SPATA7: variants seen among roughly 807,000 people sequenced by gnomAD.
SPATA7 encodes spermatogenesis-associated protein 7.
In SPATA7, 43 loss-of-function variants were observed where a neutral mutation model predicts 51.8. That is an observed-to-expected ratio of 0.83 (90% CI 0.65 to 1.07). The LOEUF (loss-of-function observed/expected upper bound fraction) is 1.07, where lower values mean the gene tolerates loss of function less well. SPATA7 is among the 50% of genes least tolerant of loss of function. The pLI, the probability that SPATA7 is intolerant of heterozygous loss-of-function variation, is 0.00. For missense variants in SPATA7, 683 were observed against 701.3 expected, an observed-to-expected ratio of 0.97 and a Z score of 0.30; for synonymous variants, 230 against 252.8, an observed-to-expected ratio of 0.91 and a Z score of 0.86.
chr14:88,428,212 ATTTC>A (rs1346394632), intron 7 of SPATA7: 1 of 152,030 alleles, frequency 6.6e-6, no homozygotes, highest in African/African-American at 2.4e-5. Flanking sequence ...TCTTAGCATC[ATTTC>A]TTTTAAAATA....
intron 1 of SPATA7, among the ~76,000 whole-genome samples, chr14:88,387,743 T>A (rs1295745602): frequency 6.6e-6 from 1 of 152,184 alleles, no homozygotes; most frequent in African/African-American, 2.4e-5. Context: ...AGCATGTCAC[T>A]GTACGTCCCT....
At chr14:88,415,778 A>G (rs1210788908) in intron 4 of SPATA7, 4 of 152,072 alleles carry the variant, frequency 2.6e-5, no homozygotes, top group Admixed American at 2.6e-4. Flanking sequence ...AGCATTTCCT[A>G]TAGGCTAGGT....
intron 4 of SPATA7, among the ~76,000 whole-genome samples, chr14:88,402,907 C>T (rs1160486965): frequency 8.0e-6 from 1 of 124,944 alleles, no homozygotes; most frequent in East Asian, 2.8e-4. Context: ...AACCATGTAT[C>T]TGATAAGAGG....
chr14:88,395,036 A>T (rs2075843830), intron 3 of SPATA7, among the ~76,000 whole-genome samples: 1 of 151,932 alleles, frequency 6.6e-6, no homozygotes, highest in African/African-American at 2.4e-5. Flanking sequence ...TTTTGCAGAT[A>T]TTTTTTTCCC....
At chr14:88,391,967 C>T (rs2075758669) in intron 2 of SPATA7, among the ~76,000 whole-genome samples, 1 of 152,040 alleles carries the variant, frequency 6.6e-6, no homozygotes, top group African/African-American at 2.4e-5. Context: ...TGTAATTATA[C>T]CTTAGAAGTA....
At chr14:88,448,272 C>A (rs899297677) in intron 3 of SPATA7, among the ~76,000 whole-genome samples, 1 of 152,166 alleles carries the variant, frequency 6.6e-6, no homozygotes, top group Non-Finnish European at 1.5e-5. Flanking sequence ...TCCAGTTGAT[C>A]GCATTGGCTC....
chr14:88,431,709 G>A (rs2076946033), intron 9 of SPATA7, among the ~76,000 whole-genome samples: 1 of 152,068 alleles, frequency 6.6e-6, no homozygotes, highest in African/African-American at 2.4e-5. Context: ...GAGAACATGC[G>A]ATGTTTAACT....
intron 4 of SPATA7, among the ~76,000 whole-genome samples, chr14:88,396,875 C>CTTTTT (rs59603961): frequency 7.9e-5 from 11 of 138,528 alleles, no homozygotes; most frequent in Admixed American, 1.5e-4. Flanking sequence ...TTTCTTTTTT[C>CTTTTT]TTTTTTTTTT....
chr14:88,429,121 A>T (rs1234571943), intron 7 of SPATA7: 2 of 313,684 alleles, frequency 6.4e-6, no homozygotes, highest in African/African-American at 2.2e-5. Context: ...TCTTAATGTC[A>T]TTTAAATGCC....
intron 10 of SPATA7, among the ~76,000 whole-genome samples, chr14:88,435,590 C>T (rs2077063909): frequency 6.6e-6 from 1 of 152,124 alleles, no homozygotes; most frequent in African/African-American, 2.4e-5. Context: ...ACTACCCTTC[C>T]CAGCCTCTGT....
intron 4 of SPATA7, among the ~76,000 whole-genome samples, chr14:88,396,963 C>T (rs1224078382): frequency 6.6e-6 from 1 of 151,698 alleles, no homozygotes; most frequent in East Asian, 1.9e-4. Context: ...ACCTCCACCT[C>T]CTGGGCTCAA....
rs984361190 is a variant in SPATA7, at chr14:88,416,693, A to G, written c.239-18A>G. On this transcript the variant is annotated intron_variant, in intron 4 of 11. Coordinates refer to ENST00000393545, the MANE Select transcript of SPATA7 (RefSeq NM_018418.5). ...TCTATTTTGTTCCATATTTTGAAAG[A>G]TTTGTTTTCCCTTTTAGATGCAGAC... 1.9e-6 allele frequency: 3 copies of G among 1,612,280 alleles called. No homozygotes were observed. The highest frequency in any genetic ancestry group is 2.5e-6 in the Non-Finnish European group (3 of 1,179,370).
At chr14:88,386,150 T>C (rs566608084) in intron 1 of SPATA7, 1 of 849,218 alleles carries the variant, frequency 1.2e-6, no homozygotes, top group Non-Finnish European at 1.7e-6. Flanking sequence ...AGGTTTGGTC[T>C]TTGGAGTCAG....
In SPATA7 at chr14:88,395,133, A is replaced by G. The variant is rs184212309; in HGVS notation, c.191-1023A>G. Among the ~76,000 whole-genome samples the G allele has an allele frequency of 1.2e-3, 176 of 152,210 alleles. 1 individual carries two copies. The highest frequency in any genetic ancestry group is 4.1e-3 in the African/African-American group (171 of 41,566). On this transcript the variant is annotated intron_variant, in intron 3 of 11. Coordinates refer to ENST00000393545, the MANE Select transcript of SPATA7 (RefSeq NM_018418.5). ...TTACATAAACATTTAAAAATTGTATAGGGAGTTACCATATACCCTGTACTC... is the reference window on the plus strand; with the variant it reads ...TTACATAAACATTTAAAAATTGTATGGGGAGTTACCATATACCCTGTACTC...
intron 4 of SPATA7, among the ~76,000 whole-genome samples, chr14:88,463,305 G>C (rs17124708): frequency 0.035 from 5,317 of 152,212 alleles, 302 homozygotes; most frequent in African/African-American, 0.12. Flanking sequence ...TCATTAGCAA[G>C]ATCCCTGCTC....
downstream of SPATA7, among the ~76,000 whole-genome samples, chr14:88,439,111 A>G (rs544626316): frequency 6.6e-6 from 1 of 152,282 alleles, no homozygotes; most frequent in South Asian, 2.1e-4. Flanking sequence ...AGAGGAACAT[A>G]TTTTACCCAG....
intron 4 of SPATA7, among the ~76,000 whole-genome samples, chr14:88,405,330 G>A (rs2076173911): frequency 6.6e-6 from 1 of 152,200 alleles, no homozygotes; most frequent in Non-Finnish European, 1.5e-5. Flanking sequence ...GAAATTGCAA[G>A]CCATTGGAGG....
In SPATA7 at chr14:88,469,510, T is replaced by C. The variant is rs761899653; in HGVS notation, c.255-337T>C. 3.7e-6 allele frequency: 6 copies of C among 1,613,016 alleles called. No homozygotes were observed. Among genetic ancestry groups the C allele is most frequent in the Non-Finnish European group, 4.2e-6 (5 of 1,179,096 alleles). On this transcript the variant is annotated intron_variant, in intron 4 of 4. Transcript: ENST00000556406. This position sits in a 1 kb window ranked among gnomAD's most constrained non-coding sequence, Gnocchi z 4.3. ...TTAAAGTCACTCACATAAAAATCCCTTGAGGTCTTCTGGACAGCCATGTTC... is the reference window on the plus strand; with the variant it reads ...TTAAAGTCACTCACATAAAAATCCCCTGAGGTCTTCTGGACAGCCATGTTC...
At chr14:88,443,346 A>G (rs899090357), downstream of SPATA7, among the ~76,000 whole-genome samples, 3 of 152,010 alleles carry the variant, frequency 2.0e-5, no homozygotes, top group Non-Finnish European at 2.9e-5. Context: ...AGGGTTGTAT[A>G]TTTCCAGGAA....
Sources: allele counts gnomAD v4.1 joint callset (sites outside exome capture counted in the v4.1 genomes callset), GRCh38; gene constraint gnomAD v4.1.1; non-coding constraint Gnocchi (gnomAD v3.1); transcripts MANE v1.5; gene names NCBI Gene and HGNC (gene_info 2026-07-23, HGNC 2026-07-21).